The following DOCK1 variants were observed in gnomAD, a reference collection of about 807,000 sequenced individuals.
The protein encoded by DOCK1 is dedicator of cytokinesis protein 1.
Under a neutral mutation model 262.7 loss-of-function variants are expected in DOCK1, and 138 were observed. That is an observed-to-expected ratio of 0.53 (90% CI 0.46 to 0.61). The LOEUF is 0.61. Among genes scored for constraint, DOCK1 ranks in the 20% least tolerant of loss-of-function variants. DOCK1 has a pLI of 0.00. For missense variants in DOCK1, 1,908 were observed against 2,370.7 expected, an observed-to-expected ratio of 0.80 and a Z score of 4.05; for synonymous variants, 866 against 867.4, an observed-to-expected ratio of 1.00 and a Z score of 0.03.
At chr10:127,020,786 C>T (rs371952100) in intron 13 of DOCK1, among the ~76,000 whole-genome samples, 1 of 152,058 alleles carries the variant, frequency 6.6e-6, no homozygotes, top group Non-Finnish European at 1.5e-5. Flanking sequence ...AGAGTATGGG[C>T]GGTTATCAGT....
chr10:127,428,433 C>A (rs116480584), intron 47 of DOCK1, among the ~76,000 whole-genome samples: 18 of 148,470 alleles, frequency 1.2e-4, no homozygotes, highest in Admixed American at 1.2e-3. Flanking sequence ...ATTGGGGTGC[C>A]GTGTGAATTG....
chr10:127,196,617 GGGGGCGGCGC>G (rs1244285596), intron 27 of DOCK1, among the ~76,000 whole-genome samples: 1 of 146,946 alleles, frequency 6.8e-6, no homozygotes, highest in African/African-American at 2.4e-5. Context: ...GAGGTGGGGC[GGGGGCGGCGC>G]GGGGCCGGGC....
At position 127,446,117 on chromosome 10, in the gene DOCK1, G is replaced by C. The variant is rs2070529387; in HGVS notation, c.5414-1277G>C. Among the ~76,000 whole-genome samples the C allele has an allele frequency of 6.6e-6, 1 of 152,128 alleles. No individual in the cohort carries two copies. Among genetic ancestry groups the C allele is most frequent in the Non-Finnish European group, 1.5e-5 (1 of 68,036 alleles). ...ATACAATAATTAGCTGGGTGTGGTGGTGCGTGCCTATAATCTCAGCTACTC... is the reference window on the plus strand; with the variant it reads ...ATACAATAATTAGCTGGGTGTGGTGCTGCGTGCCTATAATCTCAGCTACTC... On this transcript the variant is annotated intron_variant, in intron 50 of 51. Transcript: ENST00000623213. The surrounding 1 kb of genome is among the most constrained non-coding windows in gnomAD (Gnocchi z 4.4).
chr10:127,388,632 C>A (rs1333587261), intron 38 of DOCK1, among the ~76,000 whole-genome samples: 1 of 152,198 alleles, frequency 6.6e-6, no homozygotes, highest in South Asian at 2.1e-4. Flanking sequence ...ACACATGCTC[C>A]GAATCCTCCT....
intron 14 of DOCK1, among the ~76,000 whole-genome samples, chr10:127,023,636 T>A (rs1179567812): frequency 1.3e-5 from 2 of 151,488 alleles, no homozygotes; most frequent in African/African-American, 4.9e-5. Flanking sequence ...ATTTTTATAT[T>A]TTTTAGTAGA....
At chr10:127,139,408 G>A (rs2051010354) in intron 27 of DOCK1, among the ~76,000 whole-genome samples, 1 of 151,752 alleles carries the variant, frequency 6.6e-6, no homozygotes, top group Non-Finnish European at 1.5e-5. Context: ...AAAAAAAATT[G>A]CCAGAGAAGT....
chr10:127,069,057 C>T (rs890922283), intron 23 of DOCK1, among the ~76,000 whole-genome samples: 1 of 152,240 alleles, frequency 6.6e-6, no homozygotes, highest in African/African-American at 2.4e-5. Context: ...TCCAGATTTT[C>T]AAATGCTCTA....
Position 127,169,071 on chromosome 10 carries a change from C to T in DOCK1, c.2847+41307C>T, listed in dbSNP as rs559394699. Among the ~76,000 whole-genome samples, 54 of 152,304 alleles carry T rather than the reference C, an allele frequency of 3.5e-4. 1 individual carries two copies. The highest frequency in any genetic ancestry group is 3.1e-3 in the Admixed American group (47 of 15,294). On this transcript the variant is annotated intron_variant, in intron 27 of 51. Transcript: ENST00000623213. ...ATCAATATTCTAGGTTAACGCAAGT[C>T]ACATCACGCAAACATGTTCTGTGAT...
intron 51 of DOCK1, among the ~76,000 whole-genome samples, chr10:127,447,829 C>T (rs1011858290): frequency 6.6e-6 from 1 of 152,288 alleles, no homozygotes; most frequent in East Asian, 1.9e-4. Context: ...AGGTTGTCAT[C>T]GGTTATCATC....
intron 3 of DOCK1, among the ~76,000 whole-genome samples, chr10:126,980,051 C>A (rs1430273338): frequency 3.9e-5 from 6 of 152,092 alleles, no homozygotes; most frequent in Non-Finnish European, 7.4e-5. Context: ...TTGTTTTTCT[C>A]CCCCATCTGG....
intron 11 of DOCK1, among the ~76,000 whole-genome samples, chr10:127,011,683 C>T (rs1425190255): frequency 6.6e-6 from 1 of 151,906 alleles, no homozygotes; most frequent in Non-Finnish European, 1.5e-5. Flanking sequence ...GTTCTCCACA[C>T]ACGGTACCAT....
At chr10:127,095,235 C>T (rs898088804) in intron 23 of DOCK1, among the ~76,000 whole-genome samples, 1 of 152,136 alleles carries the variant, frequency 6.6e-6, no homozygotes, top group African/African-American at 2.4e-5. Context: ...GTGCTTTTTG[C>T]TACGTGGTTT....
At chr10:127,038,437 C>A (rs1363014666) in intron 19 of DOCK1, among the ~76,000 whole-genome samples, 2 of 152,114 alleles carry the variant, frequency 1.3e-5, no homozygotes, top group African/African-American at 4.8e-5. Context: ...CCTCTCTTTC[C>A]CCTGCCATGA....
chr10:126,936,017 G>A (rs2034537459), intron 1 of DOCK1, among the ~76,000 whole-genome samples: 1 of 152,208 alleles, frequency 6.6e-6, no homozygotes, highest in African/African-American at 2.4e-5. Context: ...GCCTCACTTT[G>A]TCATCCAGGC....
At chr10:127,307,738 C>G (rs1386415910) in intron 29 of DOCK1, among the ~76,000 whole-genome samples, 2 of 152,244 alleles carry the variant, frequency 1.3e-5, no homozygotes, top group Non-Finnish European at 2.9e-5. Context: ...AGCGCACATC[C>G]TGGTGTGAAC....
At chr10:127,197,928 T>G (rs192773356) in intron 27 of DOCK1, among the ~76,000 whole-genome samples, 9 of 152,352 alleles carry the variant, frequency 5.9e-5, no homozygotes, top group African/African-American at 2.2e-4. Context: ...TCTATTTCCC[T>G]CTTTACCCCG....
chr10:127,202,225 A>T (rs2057496102), intron 27 of DOCK1, among the ~76,000 whole-genome samples: 1 of 152,006 alleles, frequency 6.6e-6, no homozygotes, highest in Non-Finnish European at 1.5e-5. Context: ...CGGTAAGCTG[A>T]GGCAGTAGAA....
intron 29 of DOCK1, among the ~76,000 whole-genome samples, chr10:127,296,860 C>T (rs984156695): frequency 9.8e-5 from 15 of 152,314 alleles, no homozygotes; most frequent in Admixed American, 8.5e-4. Flanking sequence ...CCTGGAAATG[C>T]GTCCTAAAGA....
Position 127,022,923 on chromosome 10 carries a change from G to A in DOCK1, c.1328-277G>A, listed in dbSNP as rs373362267. On this transcript the variant is annotated intron_variant, in intron 13 of 51. Transcript: ENST00000623213. ...TAGTATTGGAGCCCCTCTGGTTGTC[G>A]GCTACCCTGAGAGGGGTAGAGTGTC... 3.3e-4 allele frequency among the ~76,000 whole-genome samples: 50 copies of A among 152,170 alleles called. 1 individual carries two copies. Among genetic ancestry groups the A allele is most frequent in the African/African-American group, 1.2e-3 (50 of 41,516 alleles).
Sources: gnomAD v4.1 joint callset for allele counts (sites outside exome capture counted in the v4.1 genomes callset) on GRCh38, gnomAD v4.1.1 for gene constraint, Gnocchi (gnomAD v3.1) non-coding constraint, MANE v1.5 for transcripts, NCBI Gene and HGNC (gene_info 2026-07-23, HGNC 2026-07-21) for gene names.